The following SMYD3 variants were observed in gnomAD, a reference collection of about 807,000 sequenced individuals.
SMYD3 encodes SET and MYND domain containing 3.
Under a neutral mutation model 57.7 loss-of-function variants are expected in SMYD3, and 36 were observed. The observed-to-expected ratio is 0.62, with a 90% CI of 0.48 to 0.82. The LOEUF (loss-of-function observed/expected upper bound fraction) is 0.82. SMYD3 is among the 40% of genes least tolerant of loss of function. The probability of loss-of-function intolerance (pLI) is 0.00; values close to 1 mark genes in which losing one functional copy is unlikely to be tolerated. For missense variants in SMYD3, 515 were observed against 538.8 expected (o/e 0.96, Z 0.44); for synonymous variants, 211 against 195.0 (o/e 1.08, Z -0.68).
chr1:246,330,330 C>A, intron 4 of SMYD3, 150 bp downstream of exon 4: 1 of 543,782 alleles, frequency 1.8e-6, no homozygotes, highest in Non-Finnish European at 3.1e-6. Context: ...TGAAATAAAC[C>A]AGTGTGACAG....
chr1:245,925,646 G>T lies in SMYD3; in HGVS notation c.702+2285C>A, dbSNP rs995265308. On this transcript the variant is annotated intron_variant, in intron 7 of 11. Coordinates refer to ENST00000490107, the MANE Select transcript of SMYD3 (RefSeq NM_001167740.2). ...TAGTGTCCCCACAAGAAATACTGCC[G>T]GTCATTAGAGTAAGCTCAATATAAT... Among the ~76,000 whole-genome samples the T allele has an allele frequency of 2.0e-5, 3 of 152,048 alleles. No homozygotes were observed. In the East Asian group the frequency reaches 5.8e-4, roughly 29 times the overall value.
chr1:246,065,048 T>C (rs1423421346), intron 5 of SMYD3, among the ~76,000 whole-genome samples: 6 of 152,230 alleles, frequency 3.9e-5, no homozygotes, highest in South Asian at 2.1e-4. Flanking sequence ...AAATTCCTTC[T>C]GGACTAAAGC....
intron 5 of SMYD3, among the ~76,000 whole-genome samples, chr1:246,284,351 G>A (rs1017001470): frequency 2.6e-5 from 4 of 151,936 alleles, no homozygotes; most frequent in African/African-American, 9.7e-5. Context: ...TCAGCAACGT[G>A]AATTCTCTCA....
chr1:246,110,052 T>C (rs998062712), intron 5 of SMYD3, among the ~76,000 whole-genome samples: 3 of 152,228 alleles, frequency 2.0e-5, no homozygotes, highest in Non-Finnish European at 2.9e-5. Context: ...TCTTCAGTTA[T>C]ATTTCCAAGC....
At chr1:245,980,022 G>T (rs1057464830) in intron 5 of SMYD3, among the ~76,000 whole-genome samples, 1 of 152,208 alleles carries the variant, frequency 6.6e-6, no homozygotes, top group Non-Finnish European at 1.5e-5. Flanking sequence ...CAGCTGTGGG[G>T]CTTTGGGAGC....
At chr1:245,948,995 T>G (rs1043307814) in intron 5 of SMYD3, among the ~76,000 whole-genome samples, 1 of 152,206 alleles carries the variant, frequency 6.6e-6, no homozygotes, top group Admixed American at 6.5e-5. Context: ...CTGCCCGACC[T>G]GCCGCTACCA....
intron 10 of SMYD3, among the ~76,000 whole-genome samples, chr1:245,799,801 T>C (rs998031676): frequency 6.6e-6 from 1 of 151,852 alleles, no homozygotes; most frequent in Non-Finnish European, 1.5e-5. Context: ...CACCTGTCCA[T>C]CTGCCCACCT....
At chr1:246,207,318 G>T (rs3845517) in intron 5 of SMYD3, among the ~76,000 whole-genome samples, 1 of 151,826 alleles carries the variant, frequency 6.6e-6, no homozygotes, top group African/African-American at 2.4e-5. Flanking sequence ...CTGGATGCAG[G>T]TTTCTCTTTT....
chr1:246,455,832 T>C (rs1186157806), intron 1 of SMYD3, among the ~76,000 whole-genome samples: 2 of 152,224 alleles, frequency 1.3e-5, no homozygotes, highest in African/African-American at 4.8e-5. Context: ...TGGAGGCAGA[T>C]ATAGGTATTT....
At chr1:246,006,174 G>A (rs1030919437) in intron 5 of SMYD3, among the ~76,000 whole-genome samples, 1 of 152,134 alleles carries the variant, frequency 6.6e-6, no homozygotes, top group African/African-American at 2.4e-5. Context: ...TAACCTATAT[G>A]TCATGGTCCC....
intron 5 of SMYD3, among the ~76,000 whole-genome samples, chr1:246,273,161 T>TTTTTTTTTTTGG (rs2064258201): frequency 7.6e-6 from 1 of 131,080 alleles, no homozygotes; most frequent in African/African-American, 2.8e-5. Flanking sequence ...TTCTTTTTTT[T>TTTTTTTTTTTGG]GGGGGGGGGA....
intron 1 of SMYD3, among the ~76,000 whole-genome samples, chr1:246,364,792 C>A (rs892920707): frequency 1.3e-5 from 2 of 152,186 alleles, no homozygotes; most frequent in African/African-American, 2.4e-5. Context: ...CAGCAACAAG[C>A]CAAACCCAAA....
intron 7 of SMYD3, among the ~76,000 whole-genome samples, chr1:245,924,654 G>GGTTTTTTTTTTTTTTTTTT (rs1558499827): frequency 1.7e-5 from 2 of 115,128 alleles, no homozygotes; most frequent in Non-Finnish European, 3.4e-5. Context: ...CTCTATTCCA[G>GGTTTTTTTTTTTTTTTTTT]CTTTTTTTTT....
intron 5 of SMYD3, among the ~76,000 whole-genome samples, chr1:246,248,636 C>CTTTTTTTTTTTTTTT (rs1178698803): frequency 1.9e-5 from 1 of 52,108 alleles, no homozygotes. Context: ...TCTGACTTTC[C>CTTTTTTTTTTTTTTT]TTTTTTTTTT....
chr1:245,756,074 T>A (rs1388130530), intron 11 of SMYD3, among the ~76,000 whole-genome samples: 1 of 149,094 alleles, frequency 6.7e-6, no homozygotes, highest in African/African-American at 2.4e-5. Flanking sequence ...AGTTTTGTGG[T>A]TGCTCCACGT....
Position 246,171,358 on chromosome 1 carries a change from C to T in SMYD3, c.531+155843G>A, listed in dbSNP as rs1036854809. ...TGATTCACCTTTGCATATCCTTTTG[C>T]TTTAAATCATAACATTTTAGATCAT... On this transcript the variant is annotated intron_variant, in intron 5 of 11. Transcript: ENST00000490107. Among the ~76,000 whole-genome samples the T allele has an allele frequency of 7.9e-5, 12 of 152,238 alleles. No individual in the cohort carries two copies. In the South Asian group the frequency reaches 1.5e-3, roughly 18 times the overall value.
intron 5 of SMYD3, among the ~76,000 whole-genome samples, chr1:246,093,067 T>C (rs1279956030): frequency 6.6e-6 from 1 of 152,100 alleles, no homozygotes; most frequent in African/African-American, 2.4e-5. Flanking sequence ...TGAGATATCA[T>C]CTCACCCCAG....
intron 5 of SMYD3, among the ~76,000 whole-genome samples, chr1:246,034,202 G>GT (rs2059729830): frequency 6.6e-6 from 1 of 152,144 alleles, no homozygotes; most frequent in Non-Finnish European, 1.5e-5. Flanking sequence ...AAATGAAGAC[G>GT]TAACTCCATG....
chr1:245,759,204 G>A (rs1305990626), intron 11 of SMYD3, among the ~76,000 whole-genome samples: 1 of 152,134 alleles, frequency 6.6e-6, no homozygotes, highest in Non-Finnish European at 1.5e-5. Context: ...TTGGAGGTCA[G>A]TAGGAATCAC....
Sources: allele counts gnomAD v4.1 joint callset (sites outside exome capture counted in the v4.1 genomes callset), GRCh38; gene constraint gnomAD v4.1.1; transcripts MANE v1.5; gene names NCBI Gene and HGNC (gene_info 2026-07-23, HGNC 2026-07-21).